The following AOPEP variants were observed in gnomAD, a reference collection of about 807,000 sequenced individuals.
The protein encoded by AOPEP is aminopeptidase O (putative), also known as aminopeptidase O.
A neutral mutation model predicts 98.1 loss-of-function variants in AOPEP; 77 were observed. The ratio of observed to expected loss-of-function variants is 0.78; its 90% CI spans 0.65 to 0.95. The LOEUF is 0.95. Ranked by LOEUF, AOPEP falls within the 40% of genes least tolerant of loss-of-function variation. The pLI, the probability that AOPEP is intolerant of heterozygous loss-of-function variation, is 0.00. For synonymous variants in AOPEP, 346 were observed against 365.3 expected (o/e 0.95, Z 0.60); for missense variants, 1,024 against 1,024.7 (o/e 1.00, Z 0.01).
intron 5 of AOPEP, among the ~76,000 whole-genome samples, chr9:94,887,284 G>A (rs916400722): frequency 6.6e-6 from 1 of 152,076 alleles, no homozygotes; most frequent in African/African-American, 2.4e-5. Context: ...GGAGGCAGAG[G>A]TTACAGTGAG....
chr9:95,014,879 C>G (rs1483489482), intron 13 of AOPEP, among the ~76,000 whole-genome samples: 1 of 152,158 alleles, frequency 6.6e-6, no homozygotes, highest in Non-Finnish European at 1.5e-5. Context: ...GCCTGAACAA[C>G]CAGTACATTT....
At chr9:95,129,933 G>A in the AOPEP span, among the ~76,000 whole-genome samples, 2 of 152,270 alleles carry the variant, frequency 1.3e-5, no homozygotes, top group East Asian at 3.9e-4. Flanking sequence ...CTCCCCTCAT[G>A]GCTACCCAGA....
At chr9:94,910,111 C>T (rs1262176078) in intron 5 of AOPEP, among the ~76,000 whole-genome samples, 1 of 152,196 alleles carries the variant, frequency 6.6e-6, no homozygotes, top group Admixed American at 6.5e-5. Flanking sequence ...TAGATGGACA[C>T]TTCTTCCCCT....
At chr9:95,002,767 G>C (rs901263699) in intron 11 of AOPEP, among the ~76,000 whole-genome samples, 6 of 152,342 alleles carry the variant, frequency 3.9e-5, no homozygotes, top group Admixed American at 2.6e-4. Flanking sequence ...ACCACGCAAA[G>C]AAGAGATGGA....
chr9:95,079,709 C>T (rs373049685), intron 14 of AOPEP, among the ~76,000 whole-genome samples: 2 of 152,206 alleles, frequency 1.3e-5, no homozygotes, highest in Non-Finnish European at 2.9e-5. Flanking sequence ...CCACTGTGTC[C>T]GGAGATTTGA....
chr9:95,070,194 A>G (rs1386546611), intron 14 of AOPEP, among the ~76,000 whole-genome samples: 3 of 152,288 alleles, frequency 2.0e-5, no homozygotes, highest in East Asian at 3.9e-4. Flanking sequence ...CCCTGTGGCT[A>G]CTCTGCAGAG....
At chr9:94,943,315 C>T (rs1439300120) in intron 7 of AOPEP, among the ~76,000 whole-genome samples, 5 of 152,146 alleles carry the variant, frequency 3.3e-5, no homozygotes, top group African/African-American at 4.8e-5. Flanking sequence ...CAGTCTGGAC[C>T]GGGCATGGTG....
intron 5 of AOPEP, among the ~76,000 whole-genome samples, chr9:94,848,228 G>A (rs551017819): frequency 2.6e-5 from 4 of 152,096 alleles, no homozygotes; most frequent in South Asian, 2.1e-4. Context: ...CAAGGCGGGC[G>A]GGTCACAAGG....
intron 5 of AOPEP, among the ~76,000 whole-genome samples, chr9:94,814,683 C>G (rs182004840): frequency 1.3e-5 from 2 of 152,318 alleles, no homozygotes; most frequent in African/African-American, 4.8e-5. Flanking sequence ...CTCTCAAGAG[C>G]AAACAAATAC....
At chr9:94,906,992 G>A (rs1318837233) in intron 5 of AOPEP, among the ~76,000 whole-genome samples, 3 of 152,166 alleles carry the variant, frequency 2.0e-5, no homozygotes, top group South Asian at 2.1e-4. Context: ...AGGTGGGCCC[G>A]AGTTTTGGCT....
intron 5 of AOPEP, among the ~76,000 whole-genome samples, chr9:94,915,564 T>A (rs538038049): frequency 6.6e-6 from 1 of 152,266 alleles, no homozygotes; most frequent in African/African-American, 2.4e-5. Context: ...TACCCTTGCT[T>A]TGAAATCTAG....
chr9:94,896,483 G>C (rs1035622978), intron 5 of AOPEP, among the ~76,000 whole-genome samples: 1 of 152,144 alleles, frequency 6.6e-6, no homozygotes, highest in African/African-American at 2.4e-5. Context: ...CGTTACAGTG[G>C]AGAAACCTGA....
At chr9:94,870,998 CTCTT>C (rs1289456598) in intron 5 of AOPEP, among the ~76,000 whole-genome samples, 1 of 152,130 alleles carries the variant, frequency 6.6e-6, no homozygotes, top group Non-Finnish European at 1.5e-5. Flanking sequence ...TGGGCTGTTC[CTCTT>C]TCTTTCCACT....
the AOPEP span, among the ~76,000 whole-genome samples, chr9:95,119,809 T>C: frequency 6.6e-6 from 1 of 152,156 alleles, no homozygotes; most frequent in East Asian, 1.9e-4. Flanking sequence ...TCTCCCAGGC[T>C]CAAGTGATCC....
At chr9:94,756,257 A>T (rs1837019982) in intron 1 of AOPEP, among the ~76,000 whole-genome samples, 1 of 151,136 alleles carries the variant, frequency 6.6e-6, no homozygotes, top group East Asian at 2.0e-4. Flanking sequence ...CAAAAAAAAA[A>T]AAAAAGATGG....
At chr9:94,743,179 GA>G (rs1833570217) in intron 1 of AOPEP, among the ~76,000 whole-genome samples, 1 of 115,752 alleles carries the variant, frequency 8.6e-6, no homozygotes, top group Non-Finnish European at 1.7e-5. Context: ...AGAAGAAGAA[GA>G]AGAAGAAGAA....
At chr9:94,914,835 T>A (rs1321524717) in intron 5 of AOPEP, among the ~76,000 whole-genome samples, 1 of 152,220 alleles carries the variant, frequency 6.6e-6, no homozygotes. Context: ...CCAGGCCTAC[T>A]GAAACAAACT....
intron 11 of AOPEP, among the ~76,000 whole-genome samples, chr9:94,989,772 C>T (rs564757532): frequency 1.3e-5 from 2 of 151,750 alleles, no homozygotes; most frequent in Non-Finnish European, 2.9e-5. Flanking sequence ...CCACCATACT[C>T]GGCTAATTTT....
intron 5 of AOPEP, among the ~76,000 whole-genome samples, chr9:94,825,622 T>C (rs1039235201): frequency 6.6e-6 from 1 of 152,244 alleles, no homozygotes; most frequent in Non-Finnish European, 1.5e-5. Context: ...TGCAGTGTTC[T>C]TTTTTCCTTG....
Sources: gnomAD v4.1 joint callset for allele counts (sites outside exome capture counted in the v4.1 genomes callset) on GRCh38, gnomAD v4.1.1 for gene constraint, MANE v1.5 for transcripts, NCBI Gene and HGNC (gene_info 2026-07-23, HGNC 2026-07-21) for gene names.